Variants in EFCAB12 observed in about 807,000 individuals in gnomAD.
The protein encoded by EFCAB12 is EF-hand calcium binding domain 12, also known as EF-hand calcium-binding domain-containing protein 12.
EFCAB12 carries 43 observed loss-of-function variants against 53.6 expected under a neutral mutation model. The ratio of observed to expected loss-of-function variants is 0.80; its 90% confidence interval spans 0.63 to 1.03. EFCAB12 has a LOEUF of 1.03. Among genes scored for constraint, EFCAB12 ranks in the 50% least tolerant of loss-of-function variants. EFCAB12 has a pLI of 0.00. For missense variants in EFCAB12, 646 were observed against 730.6 expected (o/e 0.88, Z 1.34); for synonymous variants, 269 against 289.2 (o/e 0.93, Z 0.71).
chr3:129,418,165 A>G (rs2072141629), intron 3 of EFCAB12, 89 bp downstream of exon 3: 1 of 1,270,098 alleles, frequency 7.9e-7, no homozygotes, highest in South Asian at 1.6e-5. Context: ...AGAACCCAGC[A>G]TGGCGGGGGA....
At chr3:129,428,166 C>G (rs1312205121) in intron 1 of EFCAB12, among the ~76,000 whole-genome samples, 2 of 152,214 alleles carry the variant, frequency 1.3e-5, no homozygotes, top group African/African-American at 4.8e-5. Flanking sequence ...GACGTCTTCT[C>G]CATGCCTCTC....
intron 6 of EFCAB12, among the ~76,000 whole-genome samples, chr3:129,406,828 A>G (rs1360452333): frequency 2.0e-5 from 3 of 150,250 alleles, no homozygotes; most frequent in Non-Finnish European, 4.4e-5. Context: ...GAGGGGGGAG[A>G]TAAAAAAGGT....
At chr3:129,411,023 G>T in intron 5 of EFCAB12, 135 bp downstream of exon 5, 1 of 878,984 alleles carries the variant, frequency 1.1e-6, no homozygotes, top group Non-Finnish European at 1.7e-6. Flanking sequence ...TGAGGGACGT[G>T]AAGAAGGGGT....
intron 7 of EFCAB12, 183 bp downstream of exon 7, chr3:129,404,067 G>A: frequency 1.5e-6 from 1 of 677,860 alleles, no homozygotes; most frequent in Non-Finnish European, 2.4e-6. Context: ...CCTGAGACAT[G>A]CGCCAAGGGT....
At chr3:129,408,905 C>A in intron 5 of EFCAB12, 47 bp from the exon 6 acceptor site, 1 of 1,539,854 alleles carries the variant, frequency 6.5e-7, no homozygotes, top group Non-Finnish European at 8.8e-7. Context: ...GCCTGTGTCC[C>A]TCCTCCTGGC....
At chr3:129,403,975 A>C in intron 7 of EFCAB12, 1 of 300,878 alleles carries the variant, frequency 3.3e-6, no homozygotes, top group Non-Finnish European at 6.2e-6. Context: ...TCTCCTTTTC[A>C]TCTTTTCCAG....
chr3:129,410,314 T>C (rs1290060528), intron 5 of EFCAB12, among the ~76,000 whole-genome samples: 2 of 141,978 alleles, frequency 1.4e-5, no homozygotes, highest in Non-Finnish European at 3.0e-5. Flanking sequence ...CTGGCCTGTA[T>C]ATAATTTTTT....
rs770277875 is a variant in EFCAB12 at position 129,418,371 on chromosome 3, C to G, written c.564G>C (p.Ser188=). 6.2e-7 allele frequency: 1 copy of G among 1,613,600 alleles called. No individual in the cohort carries two copies. Among genetic ancestry groups the G allele is most frequent in the South Asian group, 1.1e-5 (1 of 90,996 alleles). The change falls in exon 3 of 9, where the codon TCG becomes TCC. Residue 188 remains serine (S), a synonymous_variant. Transcript: ENST00000505956. ...GGCTATGCAGGTAGGAGTACATGAC[C>G]GACAGGGCAGGGGGCTCGGGCAGCT... ...QLQLPEPPAL[S]VMYSYLHSRK...
At chr3:129,422,081 TA>T (rs542506280) in intron 1 of EFCAB12, among the ~76,000 whole-genome samples, 18 of 152,288 alleles carry the variant, frequency 1.2e-4, no homozygotes, top group African/African-American at 3.1e-4. Flanking sequence ...AATGAACTTT[TA>T]AAGATGCCAG....
At chr3:129,424,047 A>G (rs558886661) in intron 1 of EFCAB12, among the ~76,000 whole-genome samples, 13 of 152,244 alleles carry the variant, frequency 8.5e-5, no homozygotes, top group African/African-American at 3.1e-4. Flanking sequence ...TAGTCCCATC[A>G]TAAGCATTTA....
chr3:129,416,140 T>C (rs950723456), intron 3 of EFCAB12, among the ~76,000 whole-genome samples: 1 of 151,256 alleles, frequency 6.6e-6, no homozygotes, highest in Non-Finnish European at 1.5e-5. Context: ...TGGTGCTGGC[T>C]GGACGTTGTG....
At chr3:129,402,687 A>C in intron 7 of EFCAB12, 108 bp from the exon 8 acceptor site, 1 of 1,060,748 alleles carries the variant, frequency 9.4e-7, no homozygotes, top group Non-Finnish European at 1.4e-6. Flanking sequence ...TAAGTCTCAA[A>C]CGAGAGCTCT....
intron 4 of EFCAB12, chr3:129,414,207 T>C (rs2072082822): frequency 6.6e-6 from 1 of 152,232 alleles, no homozygotes; most frequent in Admixed American, 6.5e-5. Context: ...GCAGGGCAGC[T>C]GGTTGAGACT....
At chr3:129,409,197 C>T (rs1365570844) in intron 5 of EFCAB12, among the ~76,000 whole-genome samples, 1 of 152,268 alleles carries the variant, frequency 6.6e-6, no homozygotes, top group African/African-American at 2.4e-5. Flanking sequence ...CACCTGTCAT[C>T]CCAGCACTTC....
chr3:129,425,042 A>G (rs1477146903), intron 1 of EFCAB12, among the ~76,000 whole-genome samples: 2 of 152,126 alleles, frequency 1.3e-5, no homozygotes, highest in Non-Finnish European at 2.9e-5. Flanking sequence ...GGGTCACCAG[A>G]CAGTTCCACA....
chr3:129,402,646 T>A, intron 7 of EFCAB12, 67 bp from the exon 8 acceptor site: 1 of 1,518,636 alleles, frequency 6.6e-7, no homozygotes, highest in East Asian at 2.3e-5. Flanking sequence ...CTTTAGGGAG[T>A]AGGTCAGGGC....
rs143273943 is a variant in EFCAB12, at chr3:129,423,587, G to A, written c.50-1784C>T. On this transcript the variant is annotated intron_variant, in intron 1 of 8. Transcript: ENST00000505956. ...AGGCTACAGTGAGCTGAGATTACCC[G>A]CATTGTAATCCAGCCTGGGCAACAG... Among the ~76,000 whole-genome samples the A allele has an allele frequency of 2.0e-3, 302 of 152,174 alleles. 1 individual carries two copies. Among genetic ancestry groups the A allele is most frequent in the African/African-American group, 6.3e-3 (261 of 41,516 alleles).
chr3:129,410,366 G>A (rs1297318372), intron 5 of EFCAB12, among the ~76,000 whole-genome samples: 3 of 151,232 alleles, frequency 2.0e-5, no homozygotes, highest in Non-Finnish European at 4.4e-5. Context: ...CCCTCGGCTG[G>A]AGTCCAGTGG....
intron 7 of EFCAB12, chr3:129,402,869 C>A: frequency 5.6e-6 from 2 of 354,226 alleles, no homozygotes; most frequent in Non-Finnish European, 1.0e-5. Context: ...GAATAGAGAC[C>A]TCTCAGGGTA....
Sources: gnomAD v4.1 joint callset for allele counts (sites outside exome capture counted in the v4.1 genomes callset) on GRCh38, gnomAD v4.1.1 for gene constraint, MANE v1.5 for transcripts, NCBI Gene and HGNC (gene_info 2026-07-23, HGNC 2026-07-21) for gene names.